The following COL7A1 variants were observed in gnomAD, a reference collection of about 807,000 sequenced individuals.
COL7A1 encodes collagen alpha-1(VII) chain.
COL7A1 carries 296 observed loss-of-function variants against 456.2 expected under a neutral mutation model. The ratio of observed to expected loss-of-function variants is 0.65; its 90% CI spans 0.59 to 0.71. The LOEUF (loss-of-function observed/expected upper bound fraction) is 0.71, where lower values mean the gene tolerates loss of function less well. COL7A1 is among the 30% of genes least tolerant of loss of function. The pLI, the probability that COL7A1 is intolerant of heterozygous loss-of-function variation, is 0.00. For synonymous variants in COL7A1, 1,464 were observed against 1,525.9 expected (o/e 0.96, Z 0.95); for missense variants, 3,441 against 4,017.2 (o/e 0.86, Z 3.88).
Position 48,585,870 on chromosome 3 carries a change from T to C in COL7A1, c.3760-14A>G. On this transcript the variant is annotated splice_polypyrimidine_tract_variant and intron_variant, in intron 29 of 118. Coordinates refer to ENST00000681320, the MANE Select transcript of COL7A1 (RefSeq NM_000094.4). The surrounding 1 kb of genome is among the most constrained non-coding windows in gnomAD (Gnocchi z 4.5). ...CCCCTTCTGGCCCTGGGGAAAGACA[T>C]GTCAGATGTGGGTCAGAGTGGCTAG... The C allele has an allele frequency of 1.2e-6, 2 of 1,614,098 alleles. No individual in the cohort carries two copies. The highest frequency in any genetic ancestry group is 1.7e-6 in the Non-Finnish European group (2 of 1,180,028).
chr3:48,566,203 G>T lies in COL7A1; in HGVS notation c.8407+64C>A. On this transcript the variant is annotated intron_variant, in intron 114 of 118. Coordinates refer to ENST00000681320, the MANE Select transcript of COL7A1 (RefSeq NM_000094.4). The surrounding 1 kb of genome is among the most constrained non-coding windows in gnomAD (Gnocchi z 5.9). Reference sequence around the variant, plus strand: ...ACTGCTTGCCCTGTAAGTTCTAGGGGCCTGCCTGCCCTTGCCTAGGGTGCT... The same window carrying T: ...ACTGCTTGCCCTGTAAGTTCTAGGGTCCTGCCTGCCCTTGCCTAGGGTGCT... The T allele has an allele frequency of 6.5e-7, 1 of 1,536,668 alleles. No homozygotes were observed. Among genetic ancestry groups the T allele is most frequent in the Non-Finnish European group, 8.9e-7 (1 of 1,129,802 alleles).
rs1306783416 is a variant in COL7A1 at position 48,576,789 on chromosome 3, A to G, written c.5605-18T>C. On this transcript the variant is annotated intron_variant, in intron 67 of 118. Transcript: ENST00000681320. ...TCACGACCCTGTGAAGGATGCAGCC[A>G]GCATCAGCACCCTGAGACCTCAGAA... 1.9e-6 allele frequency: 3 copies of G among 1,613,712 alleles called. No individual in the cohort carries two copies. The highest frequency in any genetic ancestry group is 2.5e-6 in the Non-Finnish European group (3 of 1,179,876).
chr3:48,579,189 A>T lies in COL7A1; in HGVS notation c.5388+8T>A, dbSNP rs1238505299. 6.2e-7 allele frequency: 1 copy of T among 1,612,978 alleles called. No individual in the cohort carries two copies. The highest frequency in any genetic ancestry group is 8.5e-7 in the Non-Finnish European group (1 of 1,179,970). ...AGGGGACAACCAGGCAGGACTACCA[A>T]GACTCACATTCGGCCCAGAGGGCCC... is the stretch of plus-strand genomic sequence containing the variant. On this transcript the variant is annotated splice_region_variant and intron_variant, in intron 62 of 118. Coordinates refer to ENST00000681320, the MANE Select transcript of COL7A1 (RefSeq NM_000094.4). The surrounding 1 kb of genome is among the most constrained non-coding windows in gnomAD (Gnocchi z 4.4).
chr3:48,585,984 A>T lies in COL7A1; in HGVS notation c.3724-9T>A. On this transcript the variant is annotated splice_polypyrimidine_tract_variant and intron_variant, in intron 28 of 118. Transcript: ENST00000681320. This position sits in a 1 kb window ranked among gnomAD's most constrained non-coding sequence, Gnocchi z 4.5. ...CAGGGCTCTGGCCGGGGCTGCGGAC[A>T]TAGGGTCTCTTTGAGGTTGAACATT... 1 of 1,613,872 alleles carries T rather than the reference A, an allele frequency of 6.2e-7. No homozygotes were observed. The highest frequency in any genetic ancestry group is 1.1e-5 in the South Asian group (1 of 91,086).
chr3:48,574,184 G>C lies in COL7A1; in HGVS notation c.6501+78C>G. ...AGGTACACACAAACACACACACACA[G>C]ACATGCACACACACAGCAGCAGCAG... On this transcript the variant is annotated intron_variant, in intron 80 of 118. Transcript: ENST00000681320. The surrounding 1 kb of genome is among the most constrained non-coding windows in gnomAD (Gnocchi z 5.0). 1 of 1,542,496 alleles carries C rather than the reference G, an allele frequency of 6.5e-7. No homozygotes were observed. The highest frequency in any genetic ancestry group is 1.7e-5 in the Admixed American group (1 of 59,818).
rs1308557038 is a variant in COL7A1 at position 48,585,848 on chromosome 3, C to A, written c.3768G>T (p.Lys1256Asn). 1.2e-6 allele frequency: 2 copies of A among 1,614,136 alleles called. No individual in the cohort carries two copies. The highest frequency in any genetic ancestry group is 2.2e-5 in the South Asian group (2 of 91,086). ...PCPVYCPKGQKGEPGEMGLRG... is the reference protein window; with the variant it reads ...PCPVYCPKGQNGEPGEMGLRG... ...CACTCACCATCTCTCCAGGTTCCCC[C>A]TTCTGGCCCTGGGGAAAGACATGTC... Residue 1256 changes from lysine (K) to asparagine (N), a missense_variant, in exon 30 of 119, where the codon AAG becomes AAT. By Grantham distance (94) the Lys-to-Asn change is moderately conservative. Around this residue, in one of 3 missense-constraint regions of COL7A1, gnomAD observed 2,084 missense variants for 2,501.3 expected, o/e 0.83. Coordinates refer to ENST00000681320, the MANE Select transcript of COL7A1 (RefSeq NM_000094.4). This position sits in a 1 kb window ranked among gnomAD's most constrained non-coding sequence, Gnocchi z 4.5.
chr3:48,573,520 C>G lies in COL7A1; in HGVS notation c.6611G>C (p.Gly2204Ala). ...AGPAGPQGPSGLKGEPGETGP... is the reference protein window; with the variant it reads ...AGPAGPQGPSALKGEPGETGP... Reference sequence around the variant, plus strand: ...CCACACACCTAGACTCACCTTCAGGCCAGAAGGTCCTTGGGGTCCTGCAGG... The same window carrying G: ...CCACACACCTAGACTCACCTTCAGGGCAGAAGGTCCTTGGGGTCCTGCAGG... Residue 2204 changes from glycine to alanine, a missense_variant, in exon 83 of 119, where the codon GGC becomes GCC. Physicochemically the swap from Gly to Ala is moderately conservative, Grantham distance 60. Transcript: ENST00000681320. This position sits in a 1 kb window ranked among gnomAD's most constrained non-coding sequence, Gnocchi z 5.5. 1.2e-6 allele frequency: 2 copies of G among 1,614,122 alleles called. No homozygotes were observed. Among genetic ancestry groups the G allele is most frequent in the Non-Finnish European group, 1.7e-6 (2 of 1,180,022 alleles).
At position 48,579,197 on chromosome 3, in the gene COL7A1, A is replaced by C; in HGVS notation, c.5388T>G (p.Asn1796Lys). 6.2e-7 allele frequency: 1 copy of C among 1,613,342 alleles called. No individual in the cohort carries two copies. The highest frequency in any genetic ancestry group is 8.5e-7 in the Non-Finnish European group (1 of 1,180,014). ...KPGAAGPSGP[N>K]GAAGKAGDPG... ...ACCAGGCAGGACTACCAAGACTCAC[A>C]TTCGGCCCAGAGGGCCCAGCGGCTC... Residue 1796 changes from asparagine to lysine, a missense_variant and splice_region_variant, in exon 62 of 119, where the codon AAT becomes AAG. Physicochemically the swap from Asn to Lys is moderately conservative, Grantham distance 94 (BLOSUM62 0). Transcript: ENST00000681320. The surrounding 1 kb of genome is among the most constrained non-coding windows in gnomAD (Gnocchi z 4.4).
At position 48,568,841 on chromosome 3, in the gene COL7A1, C is replaced by A; in HGVS notation, c.7701G>T (p.Glu2567Asp). ...ACCCGGCTGAGCCCTTGTCACCAGG[C>A]TCTCCCTTGCTGCCCTGTGGGAGTG... is the stretch of plus-strand genomic sequence containing the variant. ...GDPGDKGSKG[E>D]PGDKGSAGLP... Residue 2567 changes from glutamate to aspartate, a missense_variant, in exon 104 of 119, where the codon GAG (glutamate) becomes GAT (aspartate). By Grantham distance (45) the Glu-to-Asp change is conservative. Around this residue, in one of 3 missense-constraint regions of COL7A1, gnomAD observed 2,084 missense variants for 2,501.3 expected, o/e 0.83. Coordinates refer to ENST00000681320, the MANE Select transcript of COL7A1 (RefSeq NM_000094.4). This position sits in a 1 kb window ranked among gnomAD's most constrained non-coding sequence, Gnocchi z 5.2. The A allele has an allele frequency of 6.3e-7, 1 of 1,574,996 alleles. No individual in the cohort carries two copies. The highest frequency in any genetic ancestry group is 8.6e-7 in the Non-Finnish European group (1 of 1,159,052).
At position 48,565,175 on chromosome 3, in the gene COL7A1, A is replaced by G; in HGVS notation, c.8554T>C (p.Tyr2852His). ...ACAGAATACTCGGAGTATTCAGAGT[A>G]CTCATCATCCTCAGGGGGTACCCGC... ...EERVPPEDDEYSEYSEYSVEE... is the reference protein window; with the variant it reads ...EERVPPEDDEHSEYSEYSVEE... Residue 2852 changes from tyrosine (Y) to histidine (H), a missense_variant, in exon 117 of 119, where the codon TAC (tyrosine) becomes CAC (histidine). Tyr to His is a moderately conservative substitution (Grantham distance 83, BLOSUM62 2). Transcript: ENST00000681320. This position sits in a 1 kb window ranked among gnomAD's most constrained non-coding sequence, Gnocchi z 4.5. 1 of 1,613,842 alleles carries G rather than the reference A, an allele frequency of 6.2e-7. No homozygotes were observed. Among genetic ancestry groups the G allele is most frequent in the Non-Finnish European group, 8.5e-7 (1 of 1,179,914 alleles).
chr3:48,592,149 A>G lies in COL7A1; in HGVS notation c.1193T>C (p.Leu398Pro). The G allele has an allele frequency of 6.2e-7, 1 of 1,614,082 alleles. No individual in the cohort carries two copies. Among genetic ancestry groups the G allele is most frequent in the Non-Finnish European group, 8.5e-7 (1 of 1,180,016 alleles). Reference sequence around the variant, plus strand: ...GGCGGGCCCCACACTGCGGCCAAATAGGGTGCTCACGGTCACCTCATAGTC... The same window carrying G: ...GGCGGGCCCCACACTGCGGCCAAATGGGGTGCTCACGGTCACCTCATAGTC... ...GTDYEVTVST[L>P]FGRSVGPATS... The change falls in exon 10 of 119, where the codon CTA becomes CCA. Residue 398 changes from leucine to proline, a missense_variant. Coordinates refer to ENST00000681320, the MANE Select transcript of COL7A1 (RefSeq NM_000094.4). This position sits in a 1 kb window ranked among gnomAD's most constrained non-coding sequence, Gnocchi z 7.6.
chr3:48,573,108 G>A lies in COL7A1; in HGVS notation c.6715-52C>T. 1 of 1,614,114 alleles carries A rather than the reference G, an allele frequency of 6.2e-7. No homozygotes were observed. Among genetic ancestry groups the A allele is most frequent in the Non-Finnish European group, 8.5e-7 (1 of 1,179,978 alleles). ...GGTGACAATGGACACAGGACGACAT[G>A]AGAGAACATGGGCCCCAAGGAGTGA... On this transcript the variant is annotated intron_variant, in intron 85 of 118. Transcript: ENST00000681320. The surrounding 1 kb of genome is among the most constrained non-coding windows in gnomAD (Gnocchi z 5.5).
chr3:48,565,437 G>A lies in COL7A1; in HGVS notation c.8500C>T (p.Leu2834Phe), dbSNP rs576703460. ...TCCTCCTCTGCATGAGAGACGCGGA[G>A]CACAGGCACAGCATGGAGCTGGGAG... is the stretch of plus-strand genomic sequence containing the variant. ...AGSQLHAVPV[L>F]RVSHAEEEER... Residue 2834 changes from leucine to phenylalanine, a missense_variant, in exon 116 of 119, where the codon CTC becomes TTC. Physicochemically the swap from Leu to Phe is conservative, Grantham distance 22 (BLOSUM62 0). Coordinates refer to ENST00000681320, the MANE Select transcript of COL7A1 (RefSeq NM_000094.4). This position sits in a 1 kb window ranked among gnomAD's most constrained non-coding sequence, Gnocchi z 4.5. 5.0e-6 allele frequency: 8 copies of A among 1,612,592 alleles called. No individual in the cohort carries two copies. The highest frequency in any genetic ancestry group is 3.3e-5 in the South Asian group (3 of 90,756).
In COL7A1 at chr3:48,580,217, A is replaced by C; in HGVS notation, c.5097+83T>G. 5 of 1,564,294 alleles carry C rather than the reference A, an allele frequency of 3.2e-6. No homozygotes were observed. Among genetic ancestry groups the C allele is most frequent in the Non-Finnish European group, 2.6e-6 (3 of 1,146,630 alleles). On this transcript the variant is annotated intron_variant, in intron 56 of 118. Transcript: ENST00000681320. The surrounding 1 kb of genome is among the most constrained non-coding windows in gnomAD (Gnocchi z 4.5). ...ATCCATGCTTCCCACCTGGACCTCCAGACCCCTTGTGTGAAGGCACACTGG... is the reference window on the plus strand; with the variant it reads ...ATCCATGCTTCCCACCTGGACCTCCCGACCCCTTGTGTGAAGGCACACTGG...
In COL7A1 at chr3:48,578,544, G is replaced by A; in HGVS notation, c.5425-29C>T. On this transcript the variant is annotated intron_variant, in intron 63 of 118. Coordinates refer to ENST00000681320, the MANE Select transcript of COL7A1 (RefSeq NM_000094.4). The surrounding 1 kb of genome is among the most constrained non-coding windows in gnomAD (Gnocchi z 4.7). ...GAAAAAGTCTTTGTTAAGATTTATA[G>A]GGCCTCTGAGATATCCCTTGGGGCA... 1.9e-6 allele frequency: 3 copies of A among 1,609,188 alleles called. No individual in the cohort carries two copies. Among genetic ancestry groups the A allele is most frequent in the Non-Finnish European group, 2.5e-6 (3 of 1,178,480 alleles).
At position 48,564,773 on chromosome 3, in the gene COL7A1, C is replaced by A. The variant is rs1270565315; in HGVS notation, c.8818+10G>T. ...TGCCCAGTTCCCCACGGTGGGGGCT[C>A]AGCCCATACCTGTCCCCTGGCTCTG... On this transcript the variant is annotated intron_variant, in intron 118 of 118. Transcript: ENST00000681320. This position sits in a 1 kb window ranked among gnomAD's most constrained non-coding sequence, Gnocchi z 6.0. 2 of 1,612,396 alleles carry A rather than the reference C, an allele frequency of 1.2e-6. No individual in the cohort carries two copies. The highest frequency in any genetic ancestry group is 1.1e-5 in the South Asian group (1 of 91,010).
Position 48,585,822 on chromosome 3 carries a change from G to A in COL7A1, c.3786+8C>T, listed in dbSNP as rs1471957996. 6.2e-7 allele frequency: 1 copy of A among 1,614,104 alleles called. No individual in the cohort carries two copies. The highest frequency in any genetic ancestry group is 2.2e-5 in the East Asian group (1 of 44,880). On this transcript the variant is annotated splice_region_variant and intron_variant, in intron 30 of 118. Transcript: ENST00000681320. The surrounding 1 kb of genome is among the most constrained non-coding windows in gnomAD (Gnocchi z 4.5). ...CATTCTCTATTCCCCGCCCGCAGGGGCACTCACCATCTCTCCAGGTTCCCC... is the reference window on the plus strand; with the variant it reads ...CATTCTCTATTCCCCGCCCGCAGGGACACTCACCATCTCTCCAGGTTCCCC...
chr3:48,564,680 T>C lies in COL7A1; in HGVS notation c.8818+103A>G, dbSNP rs1255906185. The C allele has an allele frequency of 1.0e-5, 14 of 1,360,758 alleles. No individual in the cohort carries two copies. The highest frequency in any genetic ancestry group is 1.5e-5 in the African/African-American group (1 of 68,834). 84.3% of individuals were successfully genotyped at this position (1,360,758 alleles called of 1,614,324 possible). On this transcript the variant is annotated intron_variant, in intron 118 of 118. Coordinates refer to ENST00000681320, the MANE Select transcript of COL7A1 (RefSeq NM_000094.4). The surrounding 1 kb of genome is among the most constrained non-coding windows in gnomAD (Gnocchi z 6.0). ...TCCCCTACTGCGAGGGAGCGTCTCCTCCAGGACCCTGACCTGGAACCCTGG... is the reference window on the plus strand; with the variant it reads ...TCCCCTACTGCGAGGGAGCGTCTCCCCCAGGACCCTGACCTGGAACCCTGG...
rs2107802175 is a variant in COL7A1 at position 48,593,672 on chromosome 3, A to G, written c.291T>C (p.Leu97=). ...DPRTEFGLDA[L]GSGGDVIRAI... ...CGCGGATCACATCACCCCCAGAGCC[A>G]AGTGCATCCAGGCCGAACTCTGTCC... is the stretch of plus-strand genomic sequence containing the variant. The change falls in exon 4 of 119, where the codon CTT becomes CTC. Residue 97 remains leucine, a synonymous_variant. Coordinates refer to ENST00000681320, the MANE Select transcript of COL7A1 (RefSeq NM_000094.4). This position sits in a 1 kb window ranked among gnomAD's most constrained non-coding sequence, Gnocchi z 4.4. 1.2e-6 allele frequency: 2 copies of G among 1,614,150 alleles called. No homozygotes were observed. Among genetic ancestry groups the G allele is most frequent in the South Asian group, 1.1e-5 (1 of 91,080 alleles).
Sources: gnomAD v4.1 joint callset for allele counts on GRCh38, gnomAD v4.1.1 for gene constraint, gnomAD v4.1.1 regional missense constraint, Gnocchi (gnomAD v3.1) non-coding constraint, MANE v1.5 for transcripts, NCBI Gene and HGNC (gene_info 2026-07-23, HGNC 2026-07-21) for gene names.